The following RFFL variants were observed in gnomAD, a reference collection of about 807,000 sequenced individuals.
RFFL encodes the protein E3 ubiquitin-protein ligase rififylin.
A neutral mutation model predicts 40.4 loss-of-function variants in RFFL; 16 were observed. That is an observed-to-expected ratio of 0.40 (90% CI 0.27 to 0.60). The LOEUF (loss-of-function observed/expected upper bound fraction) is 0.60. RFFL is among the 20% of genes least tolerant of loss of function. The probability of loss-of-function intolerance (pLI) is 0.47; values close to 1 mark genes in which losing one functional copy is unlikely to be tolerated. For synonymous variants in RFFL, 154 were observed against 167.9 expected (o/e 0.92, Z 0.64); for missense variants, 367 against 451.7 (o/e 0.81, Z 1.70).
intron 1 of RFFL, among the ~76,000 whole-genome samples, chr17:35,044,437 T>G (rs2091185336): frequency 6.6e-6 from 1 of 152,098 alleles, no homozygotes; most frequent in East Asian, 1.9e-4. Flanking sequence ...GTAATCCCAG[T>G]GAAACCTTGT....
chr17:35,079,292 G>A (rs753953784), intron 1 of RFFL, among the ~76,000 whole-genome samples: 13 of 152,132 alleles, frequency 8.5e-5, no homozygotes, highest in Non-Finnish European at 1.6e-4. Context: ...CCAAAGTGCT[G>A]GGATTACAGG....
At chr17:35,071,698 C>G (rs1240070870) in intron 1 of RFFL, among the ~76,000 whole-genome samples, 1 of 152,114 alleles carries the variant, frequency 6.6e-6, no homozygotes, top group East Asian at 1.9e-4. Flanking sequence ...CAATTTCATT[C>G]CTGGATGCTT....
intron 1 of RFFL, among the ~76,000 whole-genome samples, chr17:35,069,059 C>T (rs2091334148): frequency 6.6e-6 from 1 of 152,162 alleles, no homozygotes. Context: ...GGCTCATGTC[C>T]TATTACTACC....
At chr17:35,031,988 G>C (rs369576887) in intron 1 of RFFL, among the ~76,000 whole-genome samples, 1 of 151,678 alleles carries the variant, frequency 6.6e-6, no homozygotes, top group African/African-American at 2.4e-5. Context: ...CCAGCTGATC[G>C]GGAGGCTGAG....
chr17:35,055,701 AAAAAAAC>A (rs2091257279), intron 1 of RFFL, among the ~76,000 whole-genome samples: 1 of 151,670 alleles, frequency 6.6e-6, no homozygotes, highest in African/African-American at 2.4e-5. Context: ...AACAAACAAA[AAAAAAAC>A]ATTAATCAGG....
rs577630048 is a variant in RFFL at position 35,071,387 on chromosome 17, G to A, written c.-9+17718C>T. On this transcript the variant is annotated intron_variant, in intron 1 of 6. Coordinates refer to the RFFL transcript ENST00000315249. ...CATGCCAGCACTTTGGGAGGACATC[G>A]TGGGCAGATCACTTGAGGTCAGGAG... Among the ~76,000 whole-genome samples the A allele has an allele frequency of 2.0e-4, 31 of 152,046 alleles. No individual in the cohort carries two copies. In the East Asian group the frequency reaches 4.3e-3, roughly 21 times the overall value.
chr17:35,021,729 A>G lies in RFFL; in HGVS notation c.233T>C (p.Val78Ala), dbSNP rs764126447. The stretch of plus-strand genomic sequence containing the variant: ...AAGGCAGAGGCGGGGCCCATTCCCT[A>G]CTTGGCTCGAACAGGTCATGCAAAA... Reference protein sequence around the residue: ...KNFCMTCSSQVGNGPRLCLLC... With the variant: ...KNFCMTCSSQAGNGPRLCLLC... The change falls in exon 3 of 7, where the codon GTA (valine) becomes GCA (alanine). Residue 78 changes from valine to alanine, a missense_variant. Val to Ala is a moderately conservative substitution (Grantham distance 64, BLOSUM62 0). Coordinates refer to ENST00000394597, the MANE Select transcript of RFFL (RefSeq NM_001017368.2). 1.9e-6 allele frequency: 3 copies of G among 1,614,068 alleles called. No homozygotes were observed. Among genetic ancestry groups the G allele is most frequent in the East Asian group, 2.2e-5 (1 of 44,894 alleles).
At position 35,021,842 on chromosome 17, in the gene RFFL, G is replaced by A. The variant is rs891882800; in HGVS notation, c.181-61C>T. The A allele has an allele frequency of 4.3e-5, 67 of 1,549,022 alleles. No individual in the cohort carries two copies. In the Admixed American group the frequency reaches 8.2e-4, roughly 19 times the overall value. ...ATTGAGAGAACAAGACAGAGAGTGC[G>A]ATGGGAGCTTCAGAGCTGCCAAGCC... is the stretch of plus-strand genomic sequence containing the variant. On this transcript the variant is annotated intron_variant, in intron 2 of 6. Coordinates refer to ENST00000394597, the MANE Select transcript of RFFL (RefSeq NM_001017368.2).
chr17:35,073,915 G>A (rs1404668564), intron 1 of RFFL: 1 of 152,130 alleles, frequency 6.6e-6, no homozygotes, highest in African/African-American at 2.4e-5. Context: ...TACAATTTTA[G>A]AATAAACTAT....
At chr17:35,016,272 T>C in intron 5 of RFFL, 98 bp downstream of exon 5, 1 of 1,067,164 alleles carries the variant, frequency 9.4e-7, no homozygotes, top group Non-Finnish European at 1.4e-6. Context: ...CTTCCATGGC[T>C]TAAGTGTGGA....
chr17:35,017,104 T>C (rs574237344), intron 4 of RFFL, among the ~76,000 whole-genome samples: 12 of 151,986 alleles, frequency 7.9e-5, no homozygotes, highest in Non-Finnish European at 1.2e-4. Context: ...AGTACTCCTC[T>C]ATACACAACC....
chr17:35,013,953 C>T (rs906031631), intron 6 of RFFL, among the ~76,000 whole-genome samples: 6 of 152,062 alleles, frequency 3.9e-5, no homozygotes, highest in African/African-American at 1.4e-4. Flanking sequence ...CATAAAATTG[C>T]CCATTCTGAG....
intron 1 of RFFL, among the ~76,000 whole-genome samples, chr17:35,088,388 C>T (rs1263021617): frequency 6.6e-6 from 1 of 152,212 alleles, no homozygotes; most frequent in African/African-American, 2.4e-5. Flanking sequence ...TGTTGTTTAT[C>T]TCTTCTGCCA....
At chr17:35,064,522 C>G (rs2091310619), upstream of RFFL, among the ~76,000 whole-genome samples, 1 of 142,672 alleles carries the variant, frequency 7.0e-6, no homozygotes, top group African/African-American at 2.6e-5. Context: ...TTTGCCCTGA[C>G]AGGCTAGAAT....
chr17:35,059,698 T>C (rs2091280999), intron 1 of RFFL, among the ~76,000 whole-genome samples: 1 of 152,216 alleles, frequency 6.6e-6, no homozygotes, highest in Non-Finnish European at 1.5e-5. Flanking sequence ...TAAGACCATT[T>C]CCTCTTAAAT....
chr17:35,017,664 TG>T lies in RFFL; in HGVS notation c.592-59del, dbSNP rs142260821. The T allele has an allele frequency of 4.9e-3, 5,740 of 1,166,732 alleles. 222 individuals are homozygous for T. In the African/African-American group the frequency reaches 0.076, roughly 16 times the overall value. 72.3% of individuals were successfully genotyped at this position (1,166,732 alleles called of 1,614,324 possible). A position where few individuals can be genotyped will look rare whatever the true frequency, so the allele number is the denominator to read the frequency against. On this transcript the variant is annotated intron_variant, in intron 3 of 6. Coordinates refer to ENST00000394597, the MANE Select transcript of RFFL (RefSeq NM_001017368.2). Reference sequence around the variant, plus strand: ...AGATGTCCCAGAGATCTGCATAGCATGGGCCTCTTTTCAACTCACACAATGT... The same window carrying T: ...AGATGTCCCAGAGATCTGCATAGCATGGCCTCTTTTCAACTCACACAATGT...
chr17:35,063,254 G>A (rs984512279), intron 1 of RFFL, among the ~76,000 whole-genome samples: 1 of 151,770 alleles, frequency 6.6e-6, no homozygotes, highest in South Asian at 2.1e-4. Context: ...TTGGGAGTTC[G>A]AAACCAGACT....
intron 1 of RFFL, among the ~76,000 whole-genome samples, chr17:35,088,471 T>C (rs1048168372): frequency 3.3e-5 from 5 of 152,172 alleles, no homozygotes; most frequent in Non-Finnish European, 7.3e-5. Flanking sequence ...CTTCCCCATG[T>C]CTGGTCAACT....
At position 35,010,197 on chromosome 17, in the gene RFFL, G is replaced by T. The variant is rs1165100019; in HGVS notation, c.*1771C>A. 6.6e-6 allele frequency: 1 copy of T among 152,208 alleles called. No individual in the cohort carries two copies. The highest frequency in any genetic ancestry group is 1.5e-5 in the Non-Finnish European group (1 of 68,058). The allele number at this position is 152,208 out of a possible 1,614,324, so 9.4% of individuals were successfully genotyped here. A position where few individuals can be genotyped will look rare whatever the true frequency, so the allele number is the denominator to read the frequency against. ...TTTAGAGGTTTCCCTCTGCCATCCAGAGTCATGATTGGTTCTAGTCTCAGA... is the reference window on the plus strand; with the variant it reads ...TTTAGAGGTTTCCCTCTGCCATCCATAGTCATGATTGGTTCTAGTCTCAGA... On this transcript the variant is annotated 3_prime_UTR_variant, in exon 7 of 7. Transcript: ENST00000394597.
Sources: gnomAD v4.1 joint callset for allele counts (sites outside exome capture counted in the v4.1 genomes callset) on GRCh38, gnomAD v4.1.1 for gene constraint, MANE v1.5 for transcripts, NCBI Gene and HGNC (gene_info 2026-07-23, HGNC 2026-07-21) for gene names.